ACAA2: variants seen among roughly 807,000 people sequenced by gnomAD.
ACAA2 encodes the protein acetyl-CoA acyltransferase 2.
A neutral mutation model predicts 44.8 loss-of-function variants in ACAA2; 35 were observed. That is an observed-to-expected ratio of 0.78 (90% CI 0.60 to 1.04). The LOEUF (loss-of-function observed/expected upper bound fraction) is 1.04, where lower values mean the gene tolerates loss of function less well. ACAA2 is among the 50% of genes least tolerant of loss of function. The pLI is 0.00. For synonymous variants in ACAA2, 142 were observed against 166.5 expected, an observed-to-expected ratio of 0.85 and a Z score of 1.13; for missense variants, 468 against 482.6, an observed-to-expected ratio of 0.97 and a Z score of 0.28.
chr18:49,796,816 G>A (rs1387217482), intron 3 of ACAA2, among the ~76,000 whole-genome samples: 1 of 152,020 alleles, frequency 6.6e-6, no homozygotes, highest in African/African-American at 2.4e-5. Context: ...CAGTTTCCTT[G>A]CCTGTAAAAT....
intron 1 of ACAA2, among the ~76,000 whole-genome samples, chr18:49,804,053 G>A (rs1359016216): frequency 1.3e-5 from 2 of 152,004 alleles, no homozygotes; most frequent in Non-Finnish European, 2.9e-5. Context: ...TGGGACTACA[G>A]ACACCCACCA....
intron 7 of ACAA2, among the ~76,000 whole-genome samples, chr18:49,788,654 C>T (rs2023362394): frequency 6.6e-6 from 1 of 152,194 alleles, no homozygotes; most frequent in Non-Finnish European, 1.5e-5. Context: ...AAGTAGCCAA[C>T]AGTGGTGACA....
chr18:49,800,716 C>T, intron 2 of ACAA2, among the ~76,000 whole-genome samples: 1 of 151,972 alleles, frequency 6.6e-6, no homozygotes, highest in East Asian at 1.9e-4. Context: ...TGTTAAGAGT[C>T]ATCACCACTC....
rs1479531847 is a variant in ACAA2 at position 49,797,598 on chromosome 18, G to C, written c.184-4C>G. On this transcript the variant is annotated splice_polypyrimidine_tract_variant and splice_region_variant and intron_variant, in intron 2 of 9. Transcript: ENST00000285093. The stretch of plus-strand genomic sequence containing the variant: ...AATATATAGCATCTGAAGAACTCTA[G>C]AAGAGAGAAGGAAAAGAAAAATAAT... 1.3e-6 allele frequency: 2 copies of C among 1,583,876 alleles called. No homozygotes were observed. Among genetic ancestry groups the C allele is most frequent in the East Asian group, 4.5e-5 (2 of 44,702 alleles).
At chr18:49,805,970 T>C (rs946209506) in intron 1 of ACAA2, among the ~76,000 whole-genome samples, 10 of 152,158 alleles carry the variant, frequency 6.6e-5, no homozygotes, top group African/African-American at 2.4e-4. Context: ...CTTCTGGTCA[T>C]GGCCTACTAT....
At chr18:49,797,843 A>C (rs191924071) in intron 2 of ACAA2, among the ~76,000 whole-genome samples, 1 of 152,294 alleles carries the variant, frequency 6.6e-6, no homozygotes, top group African/African-American at 2.4e-5. Flanking sequence ...AAAATGTATC[A>C]TTGTAACCAT....
chr18:49,788,778 T>C (rs138626710), intron 7 of ACAA2, among the ~76,000 whole-genome samples: 9 of 152,322 alleles, frequency 5.9e-5, no homozygotes, highest in African/African-American at 1.9e-4. Flanking sequence ...ACCGTAACAA[T>C]ATGCTAGGCC....
At chr18:49,809,756 G>C (rs186192723) in intron 1 of ACAA2, among the ~76,000 whole-genome samples, 1 of 152,342 alleles carries the variant, frequency 6.6e-6, no homozygotes, top group Admixed American at 6.5e-5. Context: ...ATGATGTTTA[G>C]GGTGGTGAAA....
chr18:49,787,515 G>A (rs577981628), intron 7 of ACAA2, among the ~76,000 whole-genome samples, 154 bp from the exon 8 acceptor site: 13 of 152,162 alleles, frequency 8.5e-5, no homozygotes, highest in African/African-American at 3.1e-4. Flanking sequence ...CCTATTAAAT[G>A]AAGTGACCAT....
intron 2 of ACAA2, among the ~76,000 whole-genome samples, chr18:49,800,176 G>C (rs1221397222): frequency 4.0e-5 from 1 of 24,726 alleles, no homozygotes; most frequent in East Asian, 9.7e-4. Context: ...GGAGGGAGGT[G>C]GGGGGTCAGC....
At chr18:49,791,187 C>G (rs1049530667) in intron 7 of ACAA2, among the ~76,000 whole-genome samples, 5 of 152,120 alleles carry the variant, frequency 3.3e-5, no homozygotes, top group Non-Finnish European at 7.4e-5. Flanking sequence ...GTGTTGATTT[C>G]TAAACTCTCA....
chr18:49,802,633 T>C, intron 2 of ACAA2, 54 bp downstream of exon 2: 3 of 1,520,326 alleles, frequency 2.0e-6, no homozygotes, highest in Non-Finnish European at 2.7e-6. Flanking sequence ...GAATTATTTT[T>C]AGAAACTGAT....
rs570449639 is a variant in ACAA2 at position 49,807,158 on chromosome 18, G to A, written c.17-4305C>T. 2.0e-5 allele frequency among the ~76,000 whole-genome samples: 3 copies of A among 152,320 alleles called. No homozygotes were observed. The East Asian group carries it at 5.8e-4, about 29-fold the overall frequency. ...GCCTATAATCTCAGCTACTCAAGAG[G>A]CTGAGGTGGGAGGACTGTGTCAGGA... On this transcript the variant is annotated intron_variant, in intron 1 of 9. Coordinates refer to ENST00000285093, the MANE Select transcript of ACAA2 (RefSeq NM_006111.3).
intron 7 of ACAA2, among the ~76,000 whole-genome samples, chr18:49,789,420 C>G (rs1489897678): frequency 6.6e-6 from 1 of 152,132 alleles, no homozygotes; most frequent in Non-Finnish European, 1.5e-5. Context: ...GCAGCTGATA[C>G]TGTGGGACAT....
At chr18:49,792,385 C>G in intron 5 of ACAA2, 58 bp from the exon 6 acceptor site, 1 of 1,395,770 alleles carries the variant, frequency 7.2e-7, no homozygotes, top group Non-Finnish European at 9.9e-7. Context: ...GAAAATAAAT[C>G]AAACATATTA....
intron 1 of ACAA2, among the ~76,000 whole-genome samples, chr18:49,810,350 T>A (rs193139048): frequency 4.6e-5 from 7 of 152,266 alleles, no homozygotes; most frequent in Admixed American, 2.0e-4. Flanking sequence ...AAAAATGACA[T>A]ATTGCACACA....
intron 9 of ACAA2, among the ~76,000 whole-genome samples, chr18:49,784,185 TGGATTTA>T (rs1285778093): frequency 1.3e-5 from 2 of 149,664 alleles, no homozygotes; most frequent in Non-Finnish European, 3.0e-5. Context: ...AGGAGATGAG[TGGATTTA>T]GGGTTATAGA....
chr18:49,800,013 G>A lies in ACAA2; in HGVS notation c.184-2419C>T, dbSNP rs547246819. On this transcript the variant is annotated intron_variant, in intron 2 of 9. Coordinates refer to ENST00000285093, the MANE Select transcript of ACAA2 (RefSeq NM_006111.3). Reference sequence around the variant, plus strand: ...CATCTGAGAAGTGAGGAGCCCCTCCGCCTGGCAGCCACCCTGTCTGGGAAG... The same window carrying A: ...CATCTGAGAAGTGAGGAGCCCCTCCACCTGGCAGCCACCCTGTCTGGGAAG... Among the ~76,000 whole-genome samples the A allele has an allele frequency of 1.8e-4, 27 of 149,714 alleles. No individual in the cohort carries two copies. In the East Asian group the frequency reaches 4.7e-3, roughly 26 times the overall value.
At chr18:49,804,868 C>G (rs1189501778) in intron 1 of ACAA2, among the ~76,000 whole-genome samples, 3 of 152,166 alleles carry the variant, frequency 2.0e-5, no homozygotes, top group African/African-American at 7.2e-5. Context: ...CACTCATCAT[C>G]ATTAGAGCTG....
Sources: allele counts gnomAD v4.1 joint callset (sites outside exome capture counted in the v4.1 genomes callset), GRCh38; gene constraint gnomAD v4.1.1; transcripts MANE v1.5; gene names NCBI Gene and HGNC (gene_info 2026-07-23, HGNC 2026-07-21).